The following ITSN1 variants were observed in gnomAD, a reference collection of about 807,000 sequenced individuals.
ITSN1 encodes the protein intersectin-1.
A neutral mutation model predicts 239.8 loss-of-function variants in ITSN1; 58 were observed. That is an observed-to-expected ratio of 0.24 (90% confidence interval 0.20 to 0.30). ITSN1 has a LOEUF of 0.30. ITSN1 is among the 10% of genes least tolerant of loss of function. The pLI is 1.00. For missense variants in ITSN1, 1,558 were observed against 2,103.3 expected (o/e 0.74, Z 5.07); for synonymous variants, 780 against 770.8 (o/e 1.01, Z -0.20).
chr21:33,860,885 T>C (rs958415497), intron 31 of ITSN1, among the ~76,000 whole-genome samples: 1 of 152,112 alleles, frequency 6.6e-6, no homozygotes, highest in African/African-American at 2.4e-5. Context: ...CCATGCACGG[T>C]CATTCTGAGA....
At chr21:33,670,341 C>CA (rs1225237171) in intron 1 of ITSN1, among the ~76,000 whole-genome samples, 1 of 152,116 alleles carries the variant, frequency 6.6e-6, no homozygotes, top group Non-Finnish European at 1.5e-5. Context: ...GATTACAGAG[C>CA]AAGACACTGT....
Position 33,642,589 on chromosome 21 carries a change from C to G in ITSN1, c.-157C>G, listed in dbSNP as rs568228679. On this transcript the variant is annotated 5_prime_UTR_variant, in exon 1 of 40. Transcript: ENST00000381318. ...CGCGAGGAAGAATCCCGAGCGGGCT[C>G]CGGGACGGACAGAGAGGCGGGCGGG... 1 of 153,300 alleles carries G rather than the reference C, an allele frequency of 6.5e-6. No individual in the cohort carries two copies. Among genetic ancestry groups the G allele is most frequent in the Non-Finnish European group, 1.5e-5 (1 of 68,520 alleles). The allele number at this position is 153,300 out of a possible 1,614,324, so 9.5% of individuals were successfully genotyped here.
At chr21:33,734,998 T>C in intron 4 of ITSN1, 46 bp from the exon 5 acceptor site, 2 of 1,547,514 alleles carry the variant, frequency 1.3e-6, no homozygotes, top group Non-Finnish European at 1.7e-6. Context: ...TTGGAAAGGT[T>C]CTTTTATGGT....
chr21:33,885,052 T>A lies in ITSN1; in HGVS notation c.4688T>A (p.Val1563Glu). ...AESINERTAW[V>E]QKIKAASELY... ...TTTTTCTGTCCAAGGACTGCCTGGG[T>A]GCAGAAAATCAAAGCTGCTTCTGAA... The change falls in exon 37 of 40, where the codon GTG becomes GAG. Residue 1563 changes from valine (V) to glutamate (E), a missense_variant. This residue lies in a region of ITSN1 where 576 missense variants were observed against 893.3 expected (regional missense o/e 0.64). Coordinates refer to ENST00000381318, the MANE Select transcript of ITSN1 (RefSeq NM_003024.3). The A allele has an allele frequency of 6.2e-7, 1 of 1,614,052 alleles. No homozygotes were observed. Among genetic ancestry groups the A allele is most frequent in the Non-Finnish European group, 8.5e-7 (1 of 1,179,930 alleles).
rs1220977399 is a variant in ITSN1, at chr21:33,865,163, C to A, written c.3903C>A (p.Val1301=). 8 of 1,613,446 alleles carry A rather than the reference C, an allele frequency of 5.0e-6. No homozygotes were observed. The Admixed American group carries it at 5.0e-5, about 10-fold the overall frequency. Residue 1301 remains valine (V), a synonymous_variant, in exon 32 of 40, where the codon GTC becomes GTA. Coordinates refer to ENST00000381318, the MANE Select transcript of ITSN1 (RefSeq NM_003024.3). The surrounding 1 kb of genome is among the most constrained non-coding windows in gnomAD (Gnocchi z 4.4). ...CNIKLLKALR[V]RKKMSGEKMP... is the part of the protein sequence containing the mutation. ...TGTTTCCGTGCAGAGCGCTGAGAGT[C>A]CGCAAGAAGATGTCCGGGGAGAAGA... is the stretch of plus-strand genomic sequence containing the variant.
intron 4 of ITSN1, among the ~76,000 whole-genome samples, chr21:33,730,569 T>G (rs2066117242): frequency 2.0e-5 from 3 of 151,458 alleles, no homozygotes; most frequent in Admixed American, 2.0e-4. Context: ...CCCAGCTAAT[T>G]TTTTGTATTT....
At chr21:33,781,001 A>G (rs2070131579) in intron 14 of ITSN1, among the ~76,000 whole-genome samples, 1 of 152,198 alleles carries the variant, frequency 6.6e-6, no homozygotes, top group Non-Finnish European at 1.5e-5. Context: ...TCTGTTTCTA[A>G]CTTCAGGTAT....
Position 33,775,105 on chromosome 21 carries a change from A to G in ITSN1, c.1593A>G (p.Leu531=). The G allele has an allele frequency of 6.2e-7, 1 of 1,608,010 alleles. No homozygotes were observed. The highest frequency in any genetic ancestry group is 8.5e-7 in the Non-Finnish European group (1 of 1,178,518). ...IAEITHLQQQ[L]QESQQMLGRL... Reference sequence around the variant, plus strand: ...AAATCACCCATCTACAGCAACAATTACAGGTGAGGAAATATGCCTCTTAAA... The same window carrying G: ...AAATCACCCATCTACAGCAACAATTGCAGGTGAGGAAATATGCCTCTTAAA... Residue 531 remains leucine, a synonymous_variant, in exon 14 of 40, where the codon TTA becomes TTG. Coordinates refer to ENST00000381318, the MANE Select transcript of ITSN1 (RefSeq NM_003024.3).
At chr21:33,682,119 T>C (rs1272208542) in intron 1 of ITSN1, among the ~76,000 whole-genome samples, 1 of 152,032 alleles carries the variant, frequency 6.6e-6, no homozygotes. Flanking sequence ...TAAATATGCA[T>C]TAAATACAAG....
At chr21:33,703,868 C>T (rs998252813) in intron 1 of ITSN1, among the ~76,000 whole-genome samples, 13 of 152,078 alleles carry the variant, frequency 8.5e-5, no homozygotes, top group African/African-American at 1.4e-4. Flanking sequence ...TGCCCTTTTC[C>T]GTGTGTTGTC....
At position 33,690,813 on chromosome 21, in the gene ITSN1, A is replaced by ATG. The variant is rs1555874680; in HGVS notation, c.-32-27982_-32-27981dup. 2.2e-4 allele frequency among the ~76,000 whole-genome samples: 4 copies of ATG among 18,574 alleles called. No homozygotes were observed. In the South Asian group the frequency reaches 4.0e-3, roughly 19 times the overall value. 12.2% of individuals were successfully genotyped at this position (18,574 alleles called of 152,430 possible). A position where few individuals can be genotyped will look rare whatever the true frequency, so the allele number is the denominator to read the frequency against. On this transcript the variant is annotated intron_variant, in intron 1 of 39. Coordinates refer to ENST00000381318, the MANE Select transcript of ITSN1 (RefSeq NM_003024.3). Reference sequence around the variant, plus strand: ...TACATATATATATATATATATATATATGTATATATATATATATATATATAT... The same window carrying ATG: ...TACATATATATATATATATATATATATGTGTATATATATATATATATATATAT...
chr21:33,883,648 C>T lies in ITSN1; in HGVS notation c.4653C>T (p.Leu1551=). The T allele has an allele frequency of 1.2e-6, 2 of 1,613,654 alleles. No homozygotes were observed. Among genetic ancestry groups the T allele is most frequent in the South Asian group, 1.1e-5 (1 of 91,072 alleles). Residue 1551 remains leucine (L), a synonymous_variant, in exon 36 of 40, where the codon CTC becomes CTT. Coordinates refer to ENST00000381318, the MANE Select transcript of ITSN1 (RefSeq NM_003024.3). ...CCCACATTGACCGCGTCTATACTCT[C>T]CGAGCAGAAAGCATAAATGAAAGGT... is the stretch of plus-strand genomic sequence containing the variant. ...HISHIDRVYT[L]RAESINERTA... is the part of the protein sequence containing the mutation.
At chr21:33,804,762 AG>A (rs1325732245) in intron 20 of ITSN1, among the ~76,000 whole-genome samples, 1 of 152,262 alleles carries the variant, frequency 6.6e-6, no homozygotes, top group African/African-American at 2.4e-5. Flanking sequence ...TGTCTAAATC[AG>A]TACAATCTTT....
chr21:33,823,686 C>G, intron 25 of ITSN1, 33 bp downstream of exon 25: 1 of 1,589,362 alleles, frequency 6.3e-7, no homozygotes, highest in East Asian at 2.2e-5. Context: ...CTCTCCCTTT[C>G]TGTGCGGTGA....
intron 1 of ITSN1, among the ~76,000 whole-genome samples, chr21:33,670,876 G>A (rs116217217): frequency 7.8e-4 from 118 of 152,230 alleles, no homozygotes; most frequent in African/African-American, 2.8e-3. Context: ...TATCAAGAAG[G>A]GCATTAGATG....
intron 32 of ITSN1, 59 bp from the exon 33 acceptor site, chr21:33,867,174 T>C: frequency 1.1e-6 from 1 of 929,564 alleles, no homozygotes; most frequent in East Asian, 2.4e-5. Flanking sequence ...TTAGTATTGA[T>C]GTCACTAACT....
At chr21:33,877,912 A>T (rs553257963) in intron 34 of ITSN1, among the ~76,000 whole-genome samples, 1 of 146,754 alleles carries the variant, frequency 6.8e-6, no homozygotes, top group Admixed American at 6.9e-5. Context: ...CTGTTTTTTT[A>T]AAGTTTTTGT....
At chr21:33,776,467 T>C (rs1447081766) in intron 14 of ITSN1, among the ~76,000 whole-genome samples, 1 of 150,698 alleles carries the variant, frequency 6.6e-6, no homozygotes, top group Non-Finnish European at 1.5e-5. Flanking sequence ...GGAAGACCAC[T>C]TGAGCCCACG....
At chr21:33,826,669 T>G (rs1390723110) in intron 25 of ITSN1, 149 bp from the exon 26 acceptor site, 5 of 644,552 alleles carry the variant, frequency 7.8e-6, no homozygotes, top group African/African-American at 1.8e-5. Context: ...CTGATCTATA[T>G]CCTTGTGTCA....
Sources: allele counts gnomAD v4.1 joint callset (sites outside exome capture counted in the v4.1 genomes callset), GRCh38; gene constraint gnomAD v4.1.1; regional missense constraint gnomAD v4.1.1; non-coding constraint Gnocchi (gnomAD v3.1); transcripts MANE v1.5; gene names NCBI Gene and HGNC (gene_info 2026-07-23, HGNC 2026-07-21).